MYPN: variants seen among roughly 807,000 people sequenced by gnomAD.
MYPN encodes sarcomeric protein myopalladin, 145 kDa (MYOP).
In MYPN, 63 loss-of-function variants were observed where a neutral mutation model predicts 129.4. The observed-to-expected ratio is 0.49, with a 90% CI of 0.40 to 0.60. The LOEUF is 0.60. MYPN is among the 20% of genes least tolerant of loss of function. The pLI is 0.00. For synonymous variants in MYPN, 629 were observed against 600.9 expected, an observed-to-expected ratio of 1.05 and a Z score of -0.68; for missense variants, 1,596 against 1,635.4, an observed-to-expected ratio of 0.98 and a Z score of 0.42.
At chr10:68,191,676 A>C (rs1051357767) in intron 13 of MYPN, among the ~76,000 whole-genome samples, 1 of 152,072 alleles carries the variant, frequency 6.6e-6, no homozygotes, top group Non-Finnish European at 1.5e-5. Context: ...GCCCTCTTCT[A>C]TTTCTTTCAG....
At chr10:68,140,005 A>G (rs1307681389) in intron 2 of MYPN, among the ~76,000 whole-genome samples, 3 of 152,182 alleles carry the variant, frequency 2.0e-5, no homozygotes, top group South Asian at 2.1e-4. Flanking sequence ...AATGTGCTGG[A>G]ATGACTGAGG....
intron 19 of MYPN, among the ~76,000 whole-genome samples, chr10:68,210,042 C>A (rs1265603566): frequency 6.6e-6 from 1 of 152,126 alleles, no homozygotes; most frequent in Non-Finnish European, 1.5e-5. Context: ...TAATCTCTTA[C>A]TGAATTAGAA....
chr10:68,113,074 C>A (rs2042103517), intron 1 of MYPN, among the ~76,000 whole-genome samples: 1 of 152,144 alleles, frequency 6.6e-6, no homozygotes, highest in African/African-American at 2.4e-5. Context: ...GGAGCAAAGT[C>A]TATTTTTTCT....
chr10:68,129,464 TG>T (rs1296566391), intron 2 of MYPN, among the ~76,000 whole-genome samples: 52 of 152,352 alleles, frequency 3.4e-4, no homozygotes, highest in African/African-American at 1.2e-3. Flanking sequence ...AGTATTTTAC[TG>T]TATGGCTAGA....
upstream of MYPN, among the ~76,000 whole-genome samples, chr10:68,107,459 G>T (rs2042026275): frequency 2.0e-5 from 3 of 149,598 alleles, no homozygotes; most frequent in Admixed American, 1.3e-4. Context: ...TCCTGCCTCA[G>T]CCTCCCAAGG....
chr10:68,206,789 G>A lies in MYPN; in HGVS notation c.3679G>A (p.Gly1227Arg), dbSNP rs2043822926. 1 of 1,614,186 alleles carries A rather than the reference G, an allele frequency of 6.2e-7. No homozygotes were observed. Residue 1227 changes from glycine to arginine, a missense_variant, in exon 19 of 20, where the codon GGG (glycine) becomes AGG (arginine). By Grantham distance (125) the Gly-to-Arg change is moderately radical. Transcript: ENST00000358913. ...ERISMHQDTT[G>R]YACLLIQPAK... ...CTCCAGTATGCACCAGGACACAACAGGGTATGCCTGCCTTCTCATTCAGCC... is the reference window on the plus strand; with the variant it reads ...CTCCAGTATGCACCAGGACACAACAAGGTATGCCTGCCTTCTCATTCAGCC...
At chr10:68,123,186 C>G (rs557927857) in intron 2 of MYPN, among the ~76,000 whole-genome samples, 43 of 151,144 alleles carry the variant, frequency 2.8e-4, no homozygotes, top group Non-Finnish European at 2.2e-4. Context: ...ACCAGCCTGG[C>G]CAACAGGGCG....
intron 4 of MYPN, among the ~76,000 whole-genome samples, chr10:68,146,239 C>T (rs1589554131): frequency 6.6e-6 from 1 of 152,174 alleles, no homozygotes; most frequent in Admixed American, 6.5e-5. Flanking sequence ...GACATCTCAC[C>T]CAAATCATGT....
At chr10:68,182,449 TAACATATATATATAAC>T (rs1299782711) in intron 12 of MYPN, among the ~76,000 whole-genome samples, 8 of 112,258 alleles carry the variant, frequency 7.1e-5, no homozygotes, top group African/African-American at 1.1e-4. Context: ...AACATATATA[TAACATATATATATAAC>T]ATATATACAC....
At chr10:68,203,310 T>G (rs2043749682) in intron 18 of MYPN, among the ~76,000 whole-genome samples, 1 of 152,126 alleles carries the variant, frequency 6.6e-6, no homozygotes, top group South Asian at 2.1e-4. Flanking sequence ...ACATTCTGGC[T>G]GGGCACAGTG....
Position 68,211,214 on chromosome 10 carries a change from G to A in MYPN, c.*759G>A. Reference sequence around the variant, plus strand: ...CATATCCCTAGACACTAGAACTAAAGGATTGGTAATAAACCAATCAGAAAG... The same window carrying A: ...CATATCCCTAGACACTAGAACTAAAAGATTGGTAATAAACCAATCAGAAAG... On this transcript the variant is annotated 3_prime_UTR_variant, in exon 20 of 20. Coordinates refer to ENST00000358913, the MANE Select transcript of MYPN (RefSeq NM_032578.4). 2.2e-6 allele frequency: 1 copy of A among 454,004 alleles called. No homozygotes were observed. Among genetic ancestry groups the A allele is most frequent in the Non-Finnish European group, 4.4e-6 (1 of 226,786 alleles). The allele number at this position is 454,004 out of a possible 1,614,324, so 28.1% of individuals were successfully genotyped here.
At chr10:68,140,145 C>T (rs1019439879) in intron 2 of MYPN, among the ~76,000 whole-genome samples, 4 of 151,994 alleles carry the variant, frequency 2.6e-5, no homozygotes, top group Admixed American at 2.6e-4. Context: ...CAGGCAGTGC[C>T]AAAATTCCAA....
intron 18 of MYPN, among the ~76,000 whole-genome samples, chr10:68,206,290 A>G (rs2043814383): frequency 6.6e-6 from 1 of 152,172 alleles, no homozygotes. Context: ...GAAAAACAGA[A>G]GGAAACAGCA....
chr10:68,168,567 A>C (rs1164309699), intron 10 of MYPN, among the ~76,000 whole-genome samples: 1 of 152,184 alleles, frequency 6.6e-6, no homozygotes, highest in Non-Finnish European at 1.5e-5. Context: ...GGAAGACAAG[A>C]ATTGCAGGTA....
chr10:68,201,400 C>T (rs567578574), intron 17 of MYPN, among the ~76,000 whole-genome samples: 22 of 152,280 alleles, frequency 1.4e-4, no homozygotes, highest in Middle Eastern at 3.4e-3. Flanking sequence ...TGGGTGCATG[C>T]CCACTCTGCT....
chr10:68,143,507 G>A (rs1485149726), intron 3 of MYPN, among the ~76,000 whole-genome samples: 2 of 152,218 alleles, frequency 1.3e-5, no homozygotes, highest in East Asian at 3.9e-4. Context: ...CCTGAGGGTG[G>A]GAGTGTGCTT....
chr10:68,141,535 T>C (rs1295116202), intron 2 of MYPN, among the ~76,000 whole-genome samples: 1 of 152,186 alleles, frequency 6.6e-6, no homozygotes, highest in Admixed American at 6.5e-5. Context: ...TTTTATTATG[T>C]TGATTAATAG....
At chr10:68,141,894 A>C (rs1012939897) in intron 2 of MYPN, among the ~76,000 whole-genome samples, 3 of 152,202 alleles carry the variant, frequency 2.0e-5, no homozygotes, top group Non-Finnish European at 4.4e-5. Flanking sequence ...GATTCTTTCC[A>C]TGTCAGTACA....
chr10:68,147,681 G>A (rs2042691472), intron 4 of MYPN, among the ~76,000 whole-genome samples: 1 of 152,126 alleles, frequency 6.6e-6, no homozygotes, highest in African/African-American at 2.4e-5. Context: ...TACCGAGAGA[G>A]ATGGCCTTCC....
Sources: gnomAD v4.1 joint callset for allele counts (sites outside exome capture counted in the v4.1 genomes callset) on GRCh38, gnomAD v4.1.1 for gene constraint, MANE v1.5 for transcripts, NCBI Gene and HGNC (gene_info 2026-07-23, HGNC 2026-07-21) for gene names.